PLD5: variants seen among roughly 807,000 people sequenced by gnomAD.
PLD5 encodes phospholipase D family member 5, also known as inactive phospholipase D5.
PLD5 carries 36 observed loss-of-function variants against 61.1 expected under a neutral mutation model. The observed-to-expected ratio is 0.59, with a 90% CI of 0.45 to 0.78. The LOEUF (loss-of-function observed/expected upper bound fraction) is 0.78. PLD5 is among the 30% of genes least tolerant of loss of function. The pLI, the probability that PLD5 is intolerant of heterozygous loss-of-function variation, is 0.00. For missense variants in PLD5, 515 were observed against 644.4 expected, an observed-to-expected ratio of 0.80 and a Z score of 2.17; for synonymous variants, 243 against 242.8, an observed-to-expected ratio of 1.00 and a Z score of -0.01.
At chr1:242,215,023 C>T (rs1048704769) in intron 5 of PLD5, among the ~76,000 whole-genome samples, 3 of 149,758 alleles carry the variant, frequency 2.0e-5, no homozygotes, top group African/African-American at 7.4e-5. Context: ...ACTACTTGTG[C>T]CTGCCACCGT....
At chr1:242,399,727 G>T (rs1326327120) in intron 1 of PLD5, among the ~76,000 whole-genome samples, 1 of 152,056 alleles carries the variant, frequency 6.6e-6, no homozygotes, top group Non-Finnish European at 1.5e-5. Context: ...ATTAGGAACT[G>T]AGCCCCACAG....
intron 6 of PLD5, among the ~76,000 whole-genome samples, chr1:242,122,880 A>C (rs1198769931): frequency 4.6e-5 from 7 of 152,360 alleles, no homozygotes; most frequent in African/African-American, 1.7e-4. Context: ...TTTATCTTCA[A>C]CAAAATGCTG....
At chr1:242,512,689 A>C (rs1012592892) in intron 1 of PLD5, among the ~76,000 whole-genome samples, 1 of 152,232 alleles carries the variant, frequency 6.6e-6, no homozygotes, top group Non-Finnish European at 1.5e-5. Context: ...ATTGACATAG[A>C]TCACTAAAGT....
intron 1 of PLD5, among the ~76,000 whole-genome samples, chr1:242,420,028 C>T (rs113778974): frequency 2.1e-4 from 32 of 152,208 alleles, no homozygotes; most frequent in African/African-American, 6.7e-4. Context: ...CAAAATTCTT[C>T]GATAAACTTG....
intron 5 of PLD5, among the ~76,000 whole-genome samples, chr1:242,209,660 T>C (rs2148979694): frequency 8.7e-6 from 1 of 115,184 alleles, no homozygotes; most frequent in South Asian, 4.0e-4. Flanking sequence ...AGACCAGCTG[T>C]TCCCCTGTCT....
At chr1:242,394,526 GTATATATGTGAACA>G (rs1663281092) in intron 1 of PLD5, among the ~76,000 whole-genome samples, 1 of 48,618 alleles carries the variant, frequency 2.1e-5, no homozygotes, top group East Asian at 5.0e-4. Flanking sequence ...ATATATATGT[GTATATATGTGAACA>G]TATATATGTG....
At chr1:242,183,850 G>A (rs1251611922) in intron 5 of PLD5, among the ~76,000 whole-genome samples, 13 of 152,206 alleles carry the variant, frequency 8.5e-5, no homozygotes, top group Admixed American at 6.5e-4. Flanking sequence ...AGCAGAGATC[G>A]CGCCACTGCA....
chr1:242,455,946 T>C (rs1401834841), intron 1 of PLD5, among the ~76,000 whole-genome samples: 1 of 152,234 alleles, frequency 6.6e-6, no homozygotes, highest in Non-Finnish European at 1.5e-5. Flanking sequence ...GCTCCCCCCA[T>C]GCCACTGTGC....
At chr1:242,318,351 T>C (rs1658153822) in intron 2 of PLD5, among the ~76,000 whole-genome samples, 1 of 152,144 alleles carries the variant, frequency 6.6e-6, no homozygotes, top group Non-Finnish European at 1.5e-5. Flanking sequence ...AGGCCAGATT[T>C]GCTATTTTTC....
chr1:242,284,177 C>T (rs1574664610), intron 3 of PLD5, among the ~76,000 whole-genome samples: 1 of 131,456 alleles, frequency 7.6e-6, no homozygotes, highest in African/African-American at 2.9e-5. Context: ...TCACTCTGTC[C>T]CCCAGGCTGG....
chr1:242,327,179 T>C (rs1658850296), intron 2 of PLD5, among the ~76,000 whole-genome samples: 1 of 145,538 alleles, frequency 6.9e-6, no homozygotes, highest in African/African-American at 2.8e-5. Flanking sequence ...TTTTTTTTTT[T>C]AATTGTTTGT....
intron 3 of PLD5, among the ~76,000 whole-genome samples, chr1:242,277,904 AC>A (rs1273564272): frequency 6.6e-6 from 1 of 152,170 alleles, no homozygotes; most frequent in African/African-American, 2.4e-5. Flanking sequence ...AACTGCTTGC[AC>A]CCGGGAGATG....
intron 5 of PLD5, among the ~76,000 whole-genome samples, chr1:242,187,173 T>C (rs902961395): frequency 2.0e-5 from 3 of 152,158 alleles, no homozygotes. Context: ...GGGACCCCCA[T>C]TCCTCAATAG....
Position 242,330,480 on chromosome 1 carries a change from C to T in PLD5, c.326+17626G>A, listed in dbSNP as rs140225312. Among the ~76,000 whole-genome samples the T allele has an allele frequency of 2.2e-4, 33 of 152,328 alleles. No individual in the cohort carries two copies. In the East Asian group the frequency reaches 3.3e-3, roughly 15 times the overall value. On this transcript the variant is annotated intron_variant, in intron 2 of 9. Coordinates refer to ENST00000536534, the MANE Select transcript of PLD5 (RefSeq NM_001372062.1). Reference sequence around the variant, plus strand: ...ATCCCCTAGAGTCAGCAGCTCCTTCCTGTGACTCCCTAGCACAAGGGACAT... The same window carrying T: ...ATCCCCTAGAGTCAGCAGCTCCTTCTTGTGACTCCCTAGCACAAGGGACAT...
chr1:242,253,415 G>A (rs994762148), intron 4 of PLD5, among the ~76,000 whole-genome samples: 6 of 144,374 alleles, frequency 4.2e-5, no homozygotes, highest in South Asian at 2.3e-4. Flanking sequence ...TGGGGTTCAC[G>A]CCATTCTCCT....
rs1659715860 is a variant in PLD5, at chr1:242,090,249, GC to G, written c.1355-140del. On this transcript the variant is annotated intron_variant, in intron 9 of 9. Coordinates refer to ENST00000536534, the MANE Select transcript of PLD5 (RefSeq NM_001372062.1). ...ACGGAGAGGCTGAATTGTGTTGACA[GC>G]TCCGAAAAAAAAATCCAAGAAGCCT... 5 of 1,131,614 alleles carry G rather than the reference GC, an allele frequency of 4.4e-6. No homozygotes were observed. The South Asian group carries it at 8.3e-5, about 19-fold the overall frequency. The allele number at this position is 1,131,614 out of a possible 1,614,324, so 70.1% of individuals were successfully genotyped here. A position where few individuals can be genotyped will look rare whatever the true frequency, so the allele number is the denominator to read the frequency against.
intron 4 of PLD5, among the ~76,000 whole-genome samples, chr1:242,246,558 C>CTTTGAGTTTTA (rs2149073500): frequency 6.6e-6 from 1 of 151,136 alleles, no homozygotes; most frequent in East Asian, 2.0e-4. Context: ...AAAGGTAACC[C>CTTTGAGTTTTA]TTATTAACAC....
At chr1:242,357,080 A>G (rs966203361) in intron 1 of PLD5, among the ~76,000 whole-genome samples, 1 of 151,922 alleles carries the variant, frequency 6.6e-6, no homozygotes, top group African/African-American at 2.4e-5. Context: ...TAGCTTAAAG[A>G]ATTTCTTTTA....
intron 1 of PLD5, among the ~76,000 whole-genome samples, chr1:242,394,228 A>ATATATGAGTATATATATGTG (rs1434129938): frequency 5.2e-5 from 1 of 19,242 alleles, no homozygotes; most frequent in Non-Finnish European, 2.2e-4. Context: ...ATATATGTGT[A>ATATATGAGTATATATATGTG]TATATATGAG....
Sources: gnomAD v4.1 joint callset for allele counts (sites outside exome capture counted in the v4.1 genomes callset) on GRCh38, gnomAD v4.1.1 for gene constraint, MANE v1.5 for transcripts, NCBI Gene and HGNC (gene_info 2026-07-23, HGNC 2026-07-21) for gene names.